FBXW10B: variants seen among roughly 807,000 people sequenced by gnomAD.
The protein encoded by FBXW10B is F-box and WD repeat domain containing 10B.
chr17:15,598,724 G>A, the FBXW10B span: 1 of 1,584,490 alleles, frequency 6.3e-7, no homozygotes, highest in Non-Finnish European at 8.6e-7. Flanking sequence ...TAGAACCCAT[G>A]TAGATAATTA....
the FBXW10B span, among the ~76,000 whole-genome samples, chr17:15,596,874 G>A: frequency 6.6e-6 from 1 of 152,138 alleles, no homozygotes; most frequent in African/African-American, 2.4e-5. Context: ...CTGAATACAG[G>A]TGGTTGAGGG....
At chr17:15,583,725 C>T in the FBXW10B span, among the ~76,000 whole-genome samples, 17 of 151,790 alleles carry the variant, frequency 1.1e-4, no homozygotes, top group Non-Finnish European at 2.2e-4. Context: ...TTGGGAGACT[C>T]TGGGTTAAAC....
the FBXW10B span, among the ~76,000 whole-genome samples, chr17:15,609,852 C>CTTTTTTTTTTTTTTT: frequency 3.2e-4 from 33 of 103,194 alleles, 1 homozygote; most frequent in South Asian, 1.0e-3. Flanking sequence ...TTCTTTCTTT[C>CTTTTTTTTTTTTTTT]TTTTTTTTTT....
At chr17:15,600,876 C>T in the FBXW10B span, among the ~76,000 whole-genome samples, 68 of 145,710 alleles carry the variant, frequency 4.7e-4, no homozygotes, top group African/African-American at 1.7e-3. Flanking sequence ...AGTGAAACCT[C>T]GTCTCTACTA....
At chr17:15,565,984 C>G in the FBXW10B span, 1 of 1,610,964 alleles carries the variant, frequency 6.2e-7, no homozygotes, top group Admixed American at 1.7e-5. Context: ...GGACTGGGCT[C>G]TAGGACTGTG....
At chr17:15,581,649 C>G in the FBXW10B span, among the ~76,000 whole-genome samples, 1 of 151,786 alleles carries the variant, frequency 6.6e-6, no homozygotes, top group African/African-American at 2.4e-5. Context: ...GCAGTCAGCA[C>G]TGGAGTGGAG....
the FBXW10B span, among the ~76,000 whole-genome samples, chr17:15,590,027 C>T: frequency 6.1e-4 from 93 of 151,702 alleles, no homozygotes; most frequent in African/African-American, 1.5e-3. Flanking sequence ...GCCCCATCCA[C>T]GTGGGAGGCA....
the FBXW10B span, chr17:15,614,199 T>C: frequency 1.8e-5 from 9 of 500,810 alleles, no homozygotes; most frequent in Non-Finnish European, 2.3e-5. Context: ...AATAGAATCT[T>C]TTTTTTTGAG....
the FBXW10B span, among the ~76,000 whole-genome samples, chr17:15,569,357 T>C: frequency 6.6e-6 from 1 of 152,130 alleles, no homozygotes; most frequent in Non-Finnish European, 1.5e-5. Flanking sequence ...TATCTCAGTA[T>C]GGTTTTAATT....
the FBXW10B span, among the ~76,000 whole-genome samples, chr17:15,595,918 C>CTT: frequency 0.094 from 13,291 of 140,726 alleles, 803 homozygotes; most frequent in African/African-American, 0.15. Flanking sequence ...ATGCAATACT[C>CTT]TTTTTTTTTT....
chr17:15,569,421 T>A, the FBXW10B span, among the ~76,000 whole-genome samples: 1 of 151,730 alleles, frequency 6.6e-6, no homozygotes, highest in Non-Finnish European at 1.5e-5. Context: ...ACCTTTTGGC[T>A]ATTCGTATGT....
chr17:15,607,584 G>T, the FBXW10B span: 5 of 1,613,466 alleles, frequency 3.1e-6, no homozygotes, highest in Non-Finnish European at 4.2e-6. Context: ...GTGTCAGAGA[G>T]AATGCGAACA....
chr17:15,573,312 A>G, the FBXW10B span: 2 of 152,200 alleles, frequency 1.3e-5, no homozygotes, highest in Admixed American at 1.3e-4. Flanking sequence ...ATGAAGAATA[A>G]TAGAGTAAAC....
chr17:15,598,442 C>T, the FBXW10B span: 3 of 1,606,882 alleles, frequency 1.9e-6, no homozygotes, highest in Non-Finnish European at 2.6e-6. Context: ...TAAATGAGTG[C>T]CTGCCTATAG....
chr17:15,609,852 C>CTTTTTTTTTTTTTTTTTTTT, the FBXW10B span, among the ~76,000 whole-genome samples: 2 of 103,182 alleles, frequency 1.9e-5, no homozygotes, highest in East Asian at 3.0e-4. Flanking sequence ...TTCTTTCTTT[C>CTTTTTTTTTTTTTTTTTTTT]TTTTTTTTTT....
chr17:15,584,568 A>T, the FBXW10B span, among the ~76,000 whole-genome samples: 2 of 152,252 alleles, frequency 1.3e-5, no homozygotes, highest in African/African-American at 4.8e-5. Context: ...AATTTCACAC[A>T]GTTTGCAATT....
the FBXW10B span, among the ~76,000 whole-genome samples, chr17:15,593,686 C>T: frequency 2.0e-5 from 3 of 148,266 alleles, no homozygotes; most frequent in Non-Finnish European, 3.0e-5. Flanking sequence ...TGGAGTGCAA[C>T]GGTGCGATCT....
the FBXW10B span, among the ~76,000 whole-genome samples, chr17:15,617,661 A>G: frequency 2.0e-5 from 3 of 152,190 alleles, no homozygotes; most frequent in Non-Finnish European, 2.9e-5. Context: ...TGGCTGTTTA[A>G]AAGAAACTGA....
chr17:15,583,394 C>A, the FBXW10B span, among the ~76,000 whole-genome samples: 61 of 145,478 alleles, frequency 4.2e-4, no homozygotes, highest in African/African-American at 1.4e-3. Context: ...AGGTTAGGTG[C>A]CCCTGACTGC....
Sources: allele counts gnomAD v4.1 joint callset (sites outside exome capture counted in the v4.1 genomes callset), GRCh38; gene constraint gnomAD v4.1.1; transcripts MANE v1.5; gene names NCBI Gene and HGNC (gene_info 2026-07-23, HGNC 2026-07-21).